The following FBXO34 variants were observed in gnomAD, a reference collection of about 807,000 sequenced individuals.
The protein encoded by FBXO34 is F-box only protein 34.
In FBXO34, 12 loss-of-function variants were observed where a neutral mutation model predicts 24.5. The ratio of observed to expected loss-of-function variants is 0.49; its 90% CI spans 0.31 to 0.79. FBXO34 has a LOEUF of 0.79. Among genes scored for constraint, FBXO34 ranks in the 30% least tolerant of loss-of-function variants. The pLI is 0.04. For synonymous variants in FBXO34, 320 were observed against 311.9 expected (o/e 1.03, Z -0.27); for missense variants, 823 against 857.7 (o/e 0.96, Z 0.51).
chr14:55,433,745 A>G, the FBXO34 span: 1 of 1,607,784 alleles, frequency 6.2e-7, no homozygotes, highest in Non-Finnish European at 8.5e-7. Context: ...CCAAAAGAGA[A>G]TTAGCCTCTG....
chr14:55,330,013 T>C (rs561505122), intron 1 of FBXO34, among the ~76,000 whole-genome samples: 1 of 152,194 alleles, frequency 6.6e-6, no homozygotes, highest in South Asian at 2.1e-4. Context: ...CATTTATCTG[T>C]AGTTTTAGAT....
the FBXO34 span, among the ~76,000 whole-genome samples, chr14:55,412,170 TA>T: frequency 6.6e-6 from 1 of 152,208 alleles, no homozygotes; most frequent in Non-Finnish European, 1.5e-5. Flanking sequence ...TAAGGGAATT[TA>T]ACTTGCTGTG....
At chr14:55,314,782 TTG>T (rs1882873039) in intron 1 of FBXO34, among the ~76,000 whole-genome samples, 1 of 152,250 alleles carries the variant, frequency 6.6e-6, no homozygotes, top group Admixed American at 6.5e-5. Flanking sequence ...TCCTTTTATA[TTG>T]TGTTTTTCAT....
At chr14:55,416,871 G>A in the FBXO34 span, among the ~76,000 whole-genome samples, 1 of 152,154 alleles carries the variant, frequency 6.6e-6, no homozygotes, top group African/African-American at 2.4e-5. Flanking sequence ...CAGTGTCCAG[G>A]TCCAGTATTT....
At chr14:55,337,140 A>G (rs1011753703) in intron 1 of FBXO34, among the ~76,000 whole-genome samples, 1 of 151,720 alleles carries the variant, frequency 6.6e-6, no homozygotes, top group African/African-American at 2.4e-5. Context: ...TGCCTGGCTA[A>G]TTTTTGTATT....
At chr14:55,435,963 A>T in the FBXO34 span, 5 of 1,354,564 alleles carry the variant, frequency 3.7e-6, no homozygotes, top group South Asian at 1.3e-5. Flanking sequence ...TTAGAAACTT[A>T]TATCAGATAT....
chr14:55,433,467 T>C, the FBXO34 span, among the ~76,000 whole-genome samples: 1 of 152,274 alleles, frequency 6.6e-6, no homozygotes, highest in South Asian at 2.1e-4. Flanking sequence ...TCAGTATTTA[T>C]AGGAGTGTTT....
chr14:55,384,972 A>G, the FBXO34 span, among the ~76,000 whole-genome samples: 8,839 of 152,210 alleles, frequency 0.058, 324 homozygotes, highest in South Asian at 0.089. Context: ...CAGATGGGGG[A>G]ACCACTGTCC....
chr14:55,418,692 A>G, the FBXO34 span, among the ~76,000 whole-genome samples: 4 of 152,162 alleles, frequency 2.6e-5, no homozygotes, highest in Non-Finnish European at 5.9e-5. Context: ...CAATGACACA[A>G]CTTCTTAGTT....
chr14:55,302,841 TGTAA>T (rs2139716151), intron 1 of FBXO34, among the ~76,000 whole-genome samples: 1 of 152,284 alleles, frequency 6.6e-6, no homozygotes, highest in South Asian at 2.1e-4. Flanking sequence ...TAAAAACTAA[TGTAA>T]GTAGTTTTGG....
the FBXO34 span, among the ~76,000 whole-genome samples, chr14:55,409,389 C>T: frequency 6.6e-6 from 1 of 152,036 alleles, no homozygotes; most frequent in Non-Finnish European, 1.5e-5. Flanking sequence ...AAACTCTTGC[C>T]CTCATAGAGT....
chr14:55,277,092 C>T (rs1022153463), intron 1 of FBXO34, among the ~76,000 whole-genome samples: 2 of 152,194 alleles, frequency 1.3e-5, no homozygotes, highest in African/African-American at 4.8e-5. Flanking sequence ...TAATCCATAT[C>T]CCTGTCAAGA....
At chr14:55,302,620 A>T (rs1882403385) in intron 1 of FBXO34, among the ~76,000 whole-genome samples, 1 of 151,944 alleles carries the variant, frequency 6.6e-6, no homozygotes, top group Admixed American at 6.6e-5. Context: ...GCAGGGAAGT[A>T]TGGAGATACA....
intron 1 of FBXO34, among the ~76,000 whole-genome samples, chr14:55,318,026 A>G (rs1457490503): frequency 1.3e-5 from 2 of 152,086 alleles, no homozygotes; most frequent in Non-Finnish European, 2.9e-5. Flanking sequence ...AACGTTTTGT[A>G]AGAGAATGTT....
intron 1 of FBXO34, among the ~76,000 whole-genome samples, chr14:55,313,804 C>T (rs1454681393): frequency 6.6e-6 from 1 of 152,196 alleles, no homozygotes; most frequent in Non-Finnish European, 1.5e-5. Flanking sequence ...GATTCATTTA[C>T]CTCCATCTGC....
intron 1 of FBXO34, among the ~76,000 whole-genome samples, chr14:55,348,883 T>A (rs1419743618): frequency 6.6e-6 from 1 of 152,162 alleles, no homozygotes; most frequent in Non-Finnish European, 1.5e-5. Flanking sequence ...CCACAGAGGC[T>A]GCCATATGGC....
At chr14:55,317,112 C>T (rs559430497) in intron 1 of FBXO34, among the ~76,000 whole-genome samples, 41 of 152,184 alleles carry the variant, frequency 2.7e-4, no homozygotes, top group Non-Finnish European at 5.7e-4. Flanking sequence ...TCCAGTTTCC[C>T]CTCCCTGGAA....
the FBXO34 span, among the ~76,000 whole-genome samples, chr14:55,376,746 T>C: frequency 6.6e-6 from 1 of 152,176 alleles, no homozygotes; most frequent in Non-Finnish European, 1.5e-5. Flanking sequence ...TGTCTTTTCT[T>C]GAGTTCTCTT....
chr14:55,296,812 G>A (rs1435501097), intron 1 of FBXO34, among the ~76,000 whole-genome samples: 2 of 152,080 alleles, frequency 1.3e-5, no homozygotes, highest in South Asian at 2.1e-4. Context: ...ATTTTGACTA[G>A]AATATTCTGA....
Sources: gnomAD v4.1 joint callset for allele counts (sites outside exome capture counted in the v4.1 genomes callset) on GRCh38, gnomAD v4.1.1 for gene constraint, MANE v1.5 for transcripts, NCBI Gene and HGNC (gene_info 2026-07-23, HGNC 2026-07-21) for gene names.